The following HSPBAP1 variants were observed in gnomAD, a reference collection of about 807,000 sequenced individuals.
The protein encoded by HSPBAP1 is HSPB1-associated protein 1.
Under a neutral mutation model 45.2 loss-of-function variants are expected in HSPBAP1, and 27 were observed. The observed-to-expected ratio is 0.60, with a 90% confidence interval of 0.44 to 0.82. The LOEUF (loss-of-function observed/expected upper bound fraction) is 0.82, where lower values mean the gene tolerates loss of function less well. Among genes scored for constraint, HSPBAP1 ranks in the 40% least tolerant of loss-of-function variants. The pLI is 0.00. For missense variants in HSPBAP1, 510 were observed against 590.9 expected (o/e 0.86, Z 1.42); for synonymous variants, 204 against 202.7 (o/e 1.01, Z -0.06).
At chr3:122,780,140 A>AC (rs767971425) in intron 1 of HSPBAP1, among the ~76,000 whole-genome samples, 2 of 92,436 alleles carry the variant, frequency 2.2e-5, no homozygotes. Flanking sequence ...CGGGGAGCTG[A>AC]CCCCCCCACC....
chr3:122,772,394 T>C (rs2107526303), intron 2 of HSPBAP1, among the ~76,000 whole-genome samples: 1 of 152,272 alleles, frequency 6.6e-6, no homozygotes, highest in Non-Finnish European at 1.5e-5. Context: ...TTAAAATACA[T>C]ACCAGAACTA....
chr3:122,740,137 C>T lies in HSPBAP1; in HGVS notation c.*208G>A, dbSNP rs1171328565. 17 of 343,380 alleles carry T rather than the reference C, an allele frequency of 5.0e-5. No individual in the cohort carries two copies. Among genetic ancestry groups the T allele is most frequent in the African/African-American group, 1.7e-4 (8 of 46,694 alleles). The allele number at this position is 343,380 out of a possible 1,614,324, so 21.3% of individuals were successfully genotyped here. A position where few individuals can be genotyped will look rare whatever the true frequency, so the allele number is the denominator to read the frequency against. On this transcript the variant is annotated 3_prime_UTR_variant, in exon 8 of 8. Transcript: ENST00000306103. ...CTAAAAGTATGGGATGAGAGAGGAA[C>T]AAAAGCTTACAAACAAAGAGCAGCC...
In HSPBAP1 at chr3:122,740,351, A is replaced by G. The variant is rs767929388; in HGVS notation, c.1461T>C (p.Ser487=). The change falls in exon 8 of 8, where the codon AGT becomes AGC. Residue 487 remains serine (S), a synonymous_variant. Coordinates refer to ENST00000306103, the MANE Select transcript of HSPBAP1 (RefSeq NM_024610.6). ...IVAQLLIQGR[S]L ...AAGTCATCTTCCACTTGAATCATAA[A>G]CTTCTTCCTTGTATCAAAAGTTGTG... The G allele has an allele frequency of 7.6e-6, 12 of 1,583,740 alleles. No individual in the cohort carries two copies. The East Asian group carries it at 2.7e-4, about 36-fold the overall frequency.
chr3:122,746,287 A>AC (rs1933844396), intron 6 of HSPBAP1, among the ~76,000 whole-genome samples: 1 of 54,722 alleles, frequency 1.8e-5, no homozygotes, highest in Non-Finnish European at 4.2e-5. Flanking sequence ...ATCAAAAAAA[A>AC]AATCAAAAGG....
chr3:122,753,745 G>C (rs909851638), intron 5 of HSPBAP1: 4 of 984,890 alleles, frequency 4.1e-6, no homozygotes, highest in African/African-American at 1.7e-5. Context: ...ACTATAAAAG[G>C]CCACTTGATA....
intron 3 of HSPBAP1, among the ~76,000 whole-genome samples, chr3:122,766,362 T>C (rs1489425075): frequency 2.0e-5 from 3 of 152,222 alleles, no homozygotes; most frequent in Non-Finnish European, 2.9e-5. Flanking sequence ...GTACCTGTGA[T>C]GTAAGAAGAC....
At chr3:122,744,515 G>T (rs1933779313) in intron 6 of HSPBAP1, among the ~76,000 whole-genome samples, 1 of 152,196 alleles carries the variant, frequency 6.6e-6, no homozygotes, top group Non-Finnish European at 1.5e-5. Context: ...CTCCAGTTGT[G>T]CATTCCAGTT....
intron 3 of HSPBAP1, among the ~76,000 whole-genome samples, chr3:122,762,947 CAG>C (rs1934651802): frequency 6.6e-6 from 1 of 152,180 alleles, no homozygotes; most frequent in South Asian, 2.1e-4. Flanking sequence ...ATTATAGAGA[CAG>C]AGGTATTGAA....
intron 2 of HSPBAP1, among the ~76,000 whole-genome samples, chr3:122,773,045 C>A (rs921197349): frequency 6.6e-6 from 1 of 151,866 alleles, no homozygotes; most frequent in African/African-American, 2.4e-5. Flanking sequence ...GAGACAGGAT[C>A]TTGCTATGTT....
chr3:122,757,719 A>G (rs1203293122), intron 4 of HSPBAP1, among the ~76,000 whole-genome samples: 1 of 152,220 alleles, frequency 6.6e-6, no homozygotes, highest in Non-Finnish European at 1.5e-5. Flanking sequence ...GAGTTATATA[A>G]GGCCAGAAAA....
intron 6 of HSPBAP1, among the ~76,000 whole-genome samples, chr3:122,750,249 AGGC>A (rs1225436646): frequency 1.3e-5 from 2 of 152,190 alleles, no homozygotes; most frequent in African/African-American, 4.8e-5. Context: ...CTGGGATTAC[AGGC>A]GTAAGCCACC....
rs1000415567 is a variant in HSPBAP1, at chr3:122,753,596, T to C, written c.742-922A>G. 5 of 984,208 alleles carry C rather than the reference T, an allele frequency of 5.1e-6. No individual in the cohort carries two copies. In the African/African-American group the frequency reaches 8.7e-5, roughly 17 times the overall value. The allele number at this position is 984,208 out of a possible 1,614,324, so 61.0% of individuals were successfully genotyped here. ...AAGGATGGCATCTATCCAGACTCAG[T>C]ATGAGATTTCCTATTAAGAGCAGAG... On this transcript the variant is annotated intron_variant, in intron 5 of 7. Transcript: ENST00000306103.
intron 2 of HSPBAP1, among the ~76,000 whole-genome samples, chr3:122,773,499 C>G (rs1330574897): frequency 6.6e-6 from 1 of 151,770 alleles, no homozygotes; most frequent in Non-Finnish European, 1.5e-5. Flanking sequence ...GTATTTTTAG[C>G]AGAGACGGGG....
chr3:122,758,914 A>G, intron 4 of HSPBAP1: 2 of 371,046 alleles, frequency 5.4e-6, no homozygotes, highest in South Asian at 2.1e-5. Context: ...AAAAAAAAAA[A>G]AAGACCAAGC....
intron 6 of HSPBAP1, among the ~76,000 whole-genome samples, chr3:122,748,051 G>A (rs1280771640): frequency 4.6e-5 from 7 of 152,208 alleles, no homozygotes; most frequent in African/African-American, 4.8e-5. Context: ...AAATTCTTCG[G>A]CCTTGGGATC....
chr3:122,785,471 C>T (rs542384642), intron 1 of HSPBAP1, among the ~76,000 whole-genome samples: 5 of 152,216 alleles, frequency 3.3e-5, no homozygotes, highest in Non-Finnish European at 5.9e-5. Context: ...CCTTGGCCTG[C>T]CTTCAGCAAG....
intron 3 of HSPBAP1, chr3:122,761,896 A>T (rs1934605413): frequency 6.6e-6 from 1 of 152,082 alleles, no homozygotes; most frequent in African/African-American, 2.4e-5. Flanking sequence ...GGGTAGTCAA[A>T]TGTCTGAAGT....
chr3:122,741,373 A>G, intron 6 of HSPBAP1: 1 of 401,150 alleles, frequency 2.5e-6, no homozygotes, highest in Middle Eastern at 7.0e-4. Flanking sequence ...GAATCACCTT[A>G]TGATATTTTC....
At chr3:122,757,046 A>G (rs1457213098) in intron 4 of HSPBAP1, among the ~76,000 whole-genome samples, 1 of 152,190 alleles carries the variant, frequency 6.6e-6, no homozygotes, top group Non-Finnish European at 1.5e-5. Context: ...TCCAGATCCC[A>G]GTTCCTTCCC....
Sources: allele counts gnomAD v4.1 joint callset (sites outside exome capture counted in the v4.1 genomes callset), GRCh38; gene constraint gnomAD v4.1.1; transcripts MANE v1.5; gene names NCBI Gene and HGNC (gene_info 2026-07-23, HGNC 2026-07-21).